PRPF6: variants seen among roughly 807,000 people sequenced by gnomAD.
PRPF6 encodes the protein pre-mRNA processing factor 6.
In PRPF6, 42 loss-of-function variants were observed where a neutral mutation model predicts 118.3. The observed-to-expected ratio is 0.35, with a 90% CI of 0.28 to 0.46. PRPF6 has a LOEUF of 0.46. PRPF6 is among the 20% of genes least tolerant of loss of function. PRPF6 has a pLI of 1.00. For missense variants in PRPF6, 662 were observed against 1,255.7 expected, an observed-to-expected ratio of 0.53 and a Z score of 7.15; for synonymous variants, 481 against 485.1, an observed-to-expected ratio of 0.99 and a Z score of 0.11.
Position 64,029,402 on chromosome 20 carries a change from C to T in PRPF6, c.2457C>T (p.Phe819=), listed in dbSNP as rs1396065729. The T allele has an allele frequency of 6.2e-7, 1 of 1,614,184 alleles. No homozygotes were observed. The highest frequency in any genetic ancestry group is 2.2e-5 in the East Asian group (1 of 44,886). Residue 819 remains phenylalanine (F), a synonymous_variant, in exon 19 of 21, where the codon TTC becomes TTT. Coordinates refer to ENST00000266079, the MANE Select transcript of PRPF6 (RefSeq NM_012469.4). This position sits in a 1 kb window ranked among gnomAD's most constrained non-coding sequence, Gnocchi z 4.8. ...NSGILWSEAI[F]LEARPQRRTK... The stretch of plus-strand genomic sequence containing the variant: ...GTATCCTGTGGTCTGAGGCCATCTT[C>T]CTCGAGGCAAGGCCCCAGAGGAGGA...
Position 64,011,460 on chromosome 20 carries a change from T to C in PRPF6, c.1481T>C (p.Leu494Pro). The part of the protein sequence containing the change: ...EKIIDRAITS[L>P]RANGVEINRE... The stretch of plus-strand genomic sequence containing the variant: ...ATCATCGACCGAGCCATCACCTCGC[T>C]GCGGGCCAACGGTGTGGAGATCAAC... Residue 494 changes from leucine (L) to proline (P), a missense_variant, in exon 11 of 21, where the codon CTG (leucine) becomes CCG (proline). Physicochemically the swap from Leu to Pro is moderately conservative, Grantham distance 98. Transcript: ENST00000266079. The surrounding 1 kb of genome is among the most constrained non-coding windows in gnomAD (Gnocchi z 6.7). 6.2e-7 allele frequency: 1 copy of C among 1,614,028 alleles called. No individual in the cohort carries two copies. Among genetic ancestry groups the C allele is most frequent in the Non-Finnish European group, 8.5e-7 (1 of 1,180,030 alleles).
rs1298441968 is a variant in PRPF6 at position 63,995,079 on chromosome 20, A to G, written c.602A>G (p.Asp201Gly). ...LQTGENHTSV[D>G]PRQTQFGGLN... ...ACCGGAGAGAACCATACCTCAGTGG[A>G]TCCCCGACAAACTGTGAGCTTCCAA... The change falls in exon 5 of 21, where the codon GAT becomes GGT. Residue 201 changes from aspartate (D) to glycine (G), a missense_variant. Asp to Gly is a moderately conservative substitution (Grantham distance 94). Coordinates refer to ENST00000266079, the MANE Select transcript of PRPF6 (RefSeq NM_012469.4). The G allele has an allele frequency of 2.5e-6, 4 of 1,614,152 alleles. No individual in the cohort carries two copies. The highest frequency in any genetic ancestry group is 3.4e-6 in the Non-Finnish European group (4 of 1,180,016).
rs952791336 is a variant in PRPF6 at position 64,027,716 on chromosome 20, C to T, written c.2319C>T (p.Asn773=). The change falls in exon 17 of 21, where the codon AAC becomes AAT. Residue 773 remains asparagine (N), a synonymous_variant. Transcript: ENST00000266079. This position sits in a 1 kb window ranked among gnomAD's most constrained non-coding sequence, Gnocchi z 6.5. ...RAILEKSRLK[N]PKNPGLWLES... is the part of the protein sequence containing the mutation. The stretch of plus-strand genomic sequence containing the variant: ...TTTTGGAAAAGTCTCGTCTGAAGAA[C>T]CCAAAGAACCCTGGGCTGTGGTGAG... 2.5e-6 allele frequency: 4 copies of T among 1,613,818 alleles called. No homozygotes were observed. Among genetic ancestry groups the T allele is most frequent in the South Asian group, 1.1e-5 (1 of 91,082 alleles).
At chr20:63,981,376 G>C in intron 1 of PRPF6, 60 bp downstream of exon 1, 4 of 1,477,160 alleles carry the variant, frequency 2.7e-6, no homozygotes, top group Non-Finnish European at 3.7e-6. Flanking sequence ...CAGTGCTTTG[G>C]GGCGTGTTTG....
At chr20:63,993,757 C>CT (rs1042222409) in intron 4 of PRPF6, among the ~76,000 whole-genome samples, 47 of 143,668 alleles carry the variant, frequency 3.3e-4, no homozygotes, top group Admixed American at 5.6e-4. Flanking sequence ...TTTCTTTTTT[C>CT]TTTTTTTTTT....
Position 64,032,958 on chromosome 20 carries a change from A to G in PRPF6, c.2791A>G (p.Arg931Gly). The change falls in exon 21 of 21, where the codon AGG (arginine) becomes GGG (glycine). Residue 931 changes from arginine to glycine, a missense_variant. Arg to Gly is a moderately radical substitution (Grantham distance 125). Coordinates refer to ENST00000266079, the MANE Select transcript of PRPF6 (RefSeq NM_012469.4). ...NWQKKIGDIL[R>G]LVAGRIKNTF ...GCAGAAGAAGATCGGGGACATCCTT[A>G]GGCTGGTGGCCGGCCGCATCAAGAA... 1 of 1,613,436 alleles carries G rather than the reference A, an allele frequency of 6.2e-7. No individual in the cohort carries two copies. The highest frequency in any genetic ancestry group is 8.5e-7 in the Non-Finnish European group (1 of 1,180,028).
At position 64,027,857 on chromosome 20, in the gene PRPF6, G is replaced by C; in HGVS notation, c.2339+121G>C. On this transcript the variant is annotated intron_variant, in intron 17 of 20. Coordinates refer to ENST00000266079, the MANE Select transcript of PRPF6 (RefSeq NM_012469.4). This position sits in a 1 kb window ranked among gnomAD's most constrained non-coding sequence, Gnocchi z 6.5. ...TGCTTCCAGGCTCAGGGGCTTGGGG[G>C]GCGGTAGGTGCTGGCCATGAAAAAT... 1 of 1,417,762 alleles carries C rather than the reference G, an allele frequency of 7.1e-7. No homozygotes were observed. The allele number at this position is 1,417,762 out of a possible 1,614,324, so 87.8% of individuals were successfully genotyped here. A position where few individuals can be genotyped will look rare whatever the true frequency, so the allele number is the denominator to read the frequency against.
chr20:63,981,487 T>G (rs527627370), intron 1 of PRPF6, among the ~76,000 whole-genome samples, 171 bp downstream of exon 1: 6 of 152,328 alleles, frequency 3.9e-5, no homozygotes, highest in Non-Finnish European at 7.4e-5. Context: ...TACCTGTGTG[T>G]GCACCCTGCT....
intron 3 of PRPF6, among the ~76,000 whole-genome samples, chr20:63,986,877 A>G (rs2059096421): frequency 6.6e-6 from 1 of 150,472 alleles, no homozygotes; most frequent in Non-Finnish European, 1.5e-5. Context: ...TATAGAAGAA[A>G]CATACCTCAG....
Position 63,981,402 on chromosome 20 carries a change from G to A in PRPF6, c.71+86G>A. On this transcript the variant is annotated intron_variant, in intron 1 of 20. Coordinates refer to ENST00000266079, the MANE Select transcript of PRPF6 (RefSeq NM_012469.4). Reference sequence around the variant, plus strand: ...GGCGTGTTTGGGGGCGGGGGTCTATGGCCGCGCAGTCTGAAAGACGCTTGG... The same window carrying A: ...GGCGTGTTTGGGGGCGGGGGTCTATAGCCGCGCAGTCTGAAAGACGCTTGG... 3.8e-6 allele frequency: 5 copies of A among 1,310,112 alleles called. No homozygotes were observed. The South Asian group carries it at 4.0e-5, about 10-fold the overall frequency. 81.2% of individuals were successfully genotyped at this position (1,310,112 alleles called of 1,614,324 possible).
chr20:63,995,470 G>A lies in PRPF6; in HGVS notation c.759G>A (p.Met253Ile). ...IGQARNTLMD[M>I]RLSQVSDSVS... is the part of the protein sequence containing the mutation. ...AAGCGAGGAACACTCTGATGGACATGAGGCTGAGCCAGGTGAGTTTGTCAC... is the reference window on the plus strand; with the variant it reads ...AAGCGAGGAACACTCTGATGGACATAAGGCTGAGCCAGGTGAGTTTGTCAC... The change falls in exon 6 of 21, where the codon ATG becomes ATA. Residue 253 changes from methionine (M) to isoleucine (I), a missense_variant. Met to Ile is a conservative substitution (Grantham distance 10). Around this residue, in one of 10 missense-constraint regions of PRPF6, gnomAD observed 71 missense variants for 166.4 expected, o/e 0.43. Coordinates refer to ENST00000266079, the MANE Select transcript of PRPF6 (RefSeq NM_012469.4). 6.2e-7 allele frequency: 1 copy of A among 1,614,146 alleles called. No individual in the cohort carries two copies. Among genetic ancestry groups the A allele is most frequent in the Non-Finnish European group, 8.5e-7 (1 of 1,180,042 alleles).
intron 11 of PRPF6, among the ~76,000 whole-genome samples, chr20:64,015,842 T>C (rs1448813861): frequency 6.6e-6 from 1 of 152,114 alleles, no homozygotes; most frequent in African/African-American, 2.4e-5. Context: ...AAAATAAGAA[T>C]AGGGGCTGGG....
At chr20:63,983,254 C>T (rs2059079102) in intron 2 of PRPF6, 39 bp downstream of exon 2, 1 of 1,613,390 alleles carries the variant, frequency 6.2e-7, no homozygotes, top group Non-Finnish European at 8.5e-7. Context: ...TCCAGCCAGT[C>T]TCTGGGAGCA....
At chr20:63,982,767 C>G (rs563702735) in intron 1 of PRPF6, among the ~76,000 whole-genome samples, 2 of 152,122 alleles carry the variant, frequency 1.3e-5, no homozygotes, top group Non-Finnish European at 1.5e-5. Context: ...TCAGTGTGGG[C>G]CAAGTTGGGT....
chr20:64,029,563 T>C lies in PRPF6; in HGVS notation c.2546+72T>C, dbSNP rs1038556275. ...GCTCTTTTTCCAGAGTCTGTCTGCCTCTTCCTGGTCATTGTAAAGATGCCC... is the reference window on the plus strand; with the variant it reads ...GCTCTTTTTCCAGAGTCTGTCTGCCCCTTCCTGGTCATTGTAAAGATGCCC... On this transcript the variant is annotated intron_variant, in intron 19 of 20. Transcript: ENST00000266079. The surrounding 1 kb of genome is among the most constrained non-coding windows in gnomAD (Gnocchi z 4.8). The C allele has an allele frequency of 8.5e-6, 11 of 1,298,304 alleles. No homozygotes were observed. The highest frequency in any genetic ancestry group is 1.2e-5 in the Non-Finnish European group (11 of 898,884). The allele number at this position is 1,298,304 out of a possible 1,614,324, so 80.4% of individuals were successfully genotyped here.
chr20:64,008,489 G>A (rs1166007749), intron 9 of PRPF6, among the ~76,000 whole-genome samples: 1 of 152,072 alleles, frequency 6.6e-6, no homozygotes, highest in African/African-American at 2.4e-5. Context: ...TGCAGAGGCT[G>A]TCACTGCTCA....
chr20:63,995,246 G>C lies in PRPF6; in HGVS notation c.616-81G>C, dbSNP rs2059136076. On this transcript the variant is annotated intron_variant, in intron 5 of 20. Coordinates refer to ENST00000266079, the MANE Select transcript of PRPF6 (RefSeq NM_012469.4). Reference sequence around the variant, plus strand: ...GCTGTGCATATGTCAGGCCACTGGGGAAGTATTTCAGAGAGTAAATTTCTT... The same window carrying C: ...GCTGTGCATATGTCAGGCCACTGGGCAAGTATTTCAGAGAGTAAATTTCTT... 2.5e-6 allele frequency: 4 copies of C among 1,572,554 alleles called. No homozygotes were observed. In the East Asian group the frequency reaches 9.3e-5, roughly 37 times the overall value.
At chr20:63,994,213 A>C (rs1402235589) in intron 4 of PRPF6, among the ~76,000 whole-genome samples, 1 of 145,530 alleles carries the variant, frequency 6.9e-6, no homozygotes, top group Non-Finnish European at 1.5e-5. Context: ...GCTGGAGTGC[A>C]ATGACGCGAT....
Position 63,999,841 on chromosome 20 carries a change from C to G in PRPF6, c.1023+82C>G, listed in dbSNP as rs1206034665. The G allele has an allele frequency of 2.0e-6, 3 of 1,532,708 alleles. No individual in the cohort carries two copies. The East Asian group carries it at 7.1e-5, about 37-fold the overall frequency. 94.9% of individuals were successfully genotyped at this position (1,532,708 alleles called of 1,614,324 possible). ...GGAGTAAACTTGTTAGAGCAAATCT[C>G]TTTGTCTTTTGGTATTGAAACTACA... On this transcript the variant is annotated intron_variant, in intron 8 of 20. Coordinates refer to ENST00000266079, the MANE Select transcript of PRPF6 (RefSeq NM_012469.4).
Sources: allele counts gnomAD v4.1 joint callset (sites outside exome capture counted in the v4.1 genomes callset), GRCh38; gene constraint gnomAD v4.1.1; regional missense constraint gnomAD v4.1.1; non-coding constraint Gnocchi (gnomAD v3.1); transcripts MANE v1.5; gene names NCBI Gene and HGNC (gene_info 2026-07-23, HGNC 2026-07-21).